The following CDCP1 variants were observed in gnomAD, a reference collection of about 807,000 sequenced individuals.
The protein encoded by CDCP1 is CUB domain-containing protein 1.
In CDCP1, 29 loss-of-function variants were observed where a neutral mutation model predicts 60.2. The observed-to-expected ratio is 0.48, with a 90% CI of 0.36 to 0.66. The LOEUF (loss-of-function observed/expected upper bound fraction) is 0.66. CDCP1 is among the 30% of genes least tolerant of loss of function. The probability of loss-of-function intolerance (pLI) is 0.00; values close to 1 mark genes in which losing one functional copy is unlikely to be tolerated. For synonymous variants in CDCP1, 387 were observed against 431.1 expected, an observed-to-expected ratio of 0.90 and a Z score of 1.27; for missense variants, 876 against 1,074.3, an observed-to-expected ratio of 0.82 and a Z score of 2.58.
intron 1 of CDCP1, among the ~76,000 whole-genome samples, chr3:45,121,389 C>A (rs1408865295): frequency 6.6e-6 from 1 of 152,196 alleles, no homozygotes; most frequent in Admixed American, 6.5e-5. Context: ...CTGTATATTA[C>A]AACTCTTGTG....
In CDCP1 at chr3:45,146,204, A is replaced by G; in HGVS notation, c.82+2T>C. 6 of 1,590,006 alleles carry G rather than the reference A, an allele frequency of 3.8e-6. No individual in the cohort carries two copies. The highest frequency in any genetic ancestry group is 1.4e-5 in the African/African-American group (1 of 71,920). On this transcript the variant is annotated splice_donor_variant, in intron 1 of 8. Transcript: ENST00000296129. LOFTEE classifies it high-confidence loss of function. ...CATCCGCCTCCAAAGCCCGGCACTC[A>G]CCTGCCCCGCGCGGCAGGCGCGCCG...
chr3:45,112,505 C>T, intron 2 of CDCP1, 60 bp from the exon 3 acceptor site: 1 of 1,568,524 alleles, frequency 6.4e-7, no homozygotes, highest in South Asian at 1.2e-5. Flanking sequence ...CACACCACTC[C>T]TCCTCCACCA....
chr3:45,120,762 T>C (rs948319744), intron 1 of CDCP1, among the ~76,000 whole-genome samples: 3 of 152,150 alleles, frequency 2.0e-5, no homozygotes, highest in African/African-American at 7.2e-5. Context: ...CCAACCTCTT[T>C]CCCACCTCAG....
chr3:45,102,965 ATT>A (rs57267322), intron 4 of CDCP1, among the ~76,000 whole-genome samples: 1 of 148,816 alleles, frequency 6.7e-6, no homozygotes, highest in African/African-American at 2.5e-5. Flanking sequence ...CTTGGTCTTG[ATT>A]TTTTTTTTTT....
intron 4 of CDCP1, among the ~76,000 whole-genome samples, chr3:45,107,308 G>A (rs1299846990): frequency 2.0e-5 from 3 of 151,940 alleles, no homozygotes; most frequent in Non-Finnish European, 1.5e-5. Flanking sequence ...CCGGGTTCAA[G>A]CGATTCTCCT....
chr3:45,121,000 T>C (rs909158201), intron 1 of CDCP1, among the ~76,000 whole-genome samples: 1 of 152,122 alleles, frequency 6.6e-6, no homozygotes, highest in East Asian at 1.9e-4. Context: ...TATTTTTTAG[T>C]GGTAGCCCCA....
At chr3:45,103,060 T>C (rs1211437791) in intron 4 of CDCP1, among the ~76,000 whole-genome samples, 1 of 152,150 alleles carries the variant, frequency 6.6e-6, no homozygotes, top group African/African-American at 2.4e-5. Context: ...ATATCCATTG[T>C]ATCAATCACC....
chr3:45,096,985 A>G (rs1201978369), intron 4 of CDCP1, among the ~76,000 whole-genome samples: 1 of 152,168 alleles, frequency 6.6e-6, no homozygotes, highest in Non-Finnish European at 1.5e-5. Context: ...TTGGTCATTT[A>G]GGTGATTTCT....
At chr3:45,100,800 C>G (rs1184162104) in intron 4 of CDCP1, among the ~76,000 whole-genome samples, 2 of 152,170 alleles carry the variant, frequency 1.3e-5, no homozygotes, top group Non-Finnish European at 2.9e-5. Context: ...ACTTGTTCAT[C>G]TTTCCCACCA....
At chr3:45,094,536 C>T (rs1429177894) in intron 5 of CDCP1, among the ~76,000 whole-genome samples, 4 of 152,306 alleles carry the variant, frequency 2.6e-5, no homozygotes, top group African/African-American at 9.6e-5. Context: ...GCTGGGATTA[C>T]AGGCATGAGC....
At chr3:45,116,971 G>T (rs1368660843) in intron 2 of CDCP1, among the ~76,000 whole-genome samples, 2 of 152,076 alleles carry the variant, frequency 1.3e-5, no homozygotes, top group Non-Finnish European at 2.9e-5. Context: ...CTTTAATGCT[G>T]TATATTTGTA....
rs1269700964 is a variant in CDCP1 at position 45,083,877 on chromosome 3, C to T, written c.*1761G>A. On this transcript the variant is annotated 3_prime_UTR_variant, in exon 9 of 9. Coordinates refer to ENST00000296129, the MANE Select transcript of CDCP1 (RefSeq NM_022842.5). ...TGAGCCGAGATTGCGCCACTGCACT[C>T]CAGCCTAGGCAACAGAATGAGATCC... 6.6e-6 allele frequency: 1 copy of T among 150,484 alleles called. No individual in the cohort carries two copies. Among genetic ancestry groups the T allele is most frequent in the Non-Finnish European group, 1.5e-5 (1 of 67,766 alleles). The allele number at this position is 150,484 out of a possible 1,614,324, so 9.3% of individuals were successfully genotyped here.
chr3:45,134,421 G>C (rs969067190), intron 1 of CDCP1, among the ~76,000 whole-genome samples: 2 of 152,208 alleles, frequency 1.3e-5, no homozygotes, highest in African/African-American at 4.8e-5. Flanking sequence ...ACCGCGCCCG[G>C]CCCAGATCTA....
At chr3:45,103,100 C>T (rs368634268) in intron 4 of CDCP1, among the ~76,000 whole-genome samples, 2 of 152,140 alleles carry the variant, frequency 1.3e-5, no homozygotes, top group South Asian at 4.1e-4. Flanking sequence ...TTCTTATCAT[C>T]CCAGAGTTTC....
chr3:45,099,111 C>T (rs1487686598), intron 4 of CDCP1, among the ~76,000 whole-genome samples: 1 of 151,314 alleles, frequency 6.6e-6, no homozygotes, highest in Non-Finnish European at 1.5e-5. Flanking sequence ...TTCCTGGATC[C>T]ATCTTTTCTT....
At chr3:45,125,471 A>G (rs1290917807) in intron 1 of CDCP1, among the ~76,000 whole-genome samples, 1 of 152,226 alleles carries the variant, frequency 6.6e-6, no homozygotes, top group Non-Finnish European at 1.5e-5. Flanking sequence ...TCATCTGCAA[A>G]CAGGATAATA....
intron 7 of CDCP1, among the ~76,000 whole-genome samples, chr3:45,090,882 A>G (rs1469918608): frequency 6.7e-6 from 1 of 150,146 alleles, no homozygotes; most frequent in Non-Finnish European, 1.5e-5. Context: ...AGATCAGCAA[A>G]GTCCTCTAGC....
intron 4 of CDCP1, among the ~76,000 whole-genome samples, chr3:45,097,032 G>C (rs1698411431): frequency 6.6e-6 from 1 of 152,170 alleles, no homozygotes; most frequent in African/African-American, 2.4e-5. Context: ...ACAGTGCCAG[G>C]CATGGTGGCT....
intron 1 of CDCP1, among the ~76,000 whole-genome samples, chr3:45,139,890 C>A (rs1699255302): frequency 6.6e-6 from 1 of 152,184 alleles, no homozygotes; most frequent in Non-Finnish European, 1.5e-5. Flanking sequence ...GCCGTGAGTC[C>A]TTCAAACTCA....
Sources: allele counts gnomAD v4.1 joint callset (sites outside exome capture counted in the v4.1 genomes callset), GRCh38; gene constraint gnomAD v4.1.1; transcripts MANE v1.5; gene names NCBI Gene and HGNC (gene_info 2026-07-23, HGNC 2026-07-21).